The following NR3C2 variants were observed in gnomAD, a reference collection of about 807,000 sequenced individuals.
NR3C2 encodes mineralocorticoid receptor.
In NR3C2, 15 loss-of-function variants were observed where a neutral mutation model predicts 86.4. The ratio of observed to expected loss-of-function variants is 0.17; its 90% CI spans 0.12 to 0.27. The LOEUF is 0.27. NR3C2 is among the 10% of genes least tolerant of loss of function. The probability of loss-of-function intolerance (pLI) is 1.00; values close to 1 mark genes in which losing one functional copy is unlikely to be tolerated. For synonymous variants in NR3C2, 458 were observed against 450.5 expected (o/e 1.02, Z -0.21); for missense variants, 960 against 1,195.6 (o/e 0.80, Z 2.91).
intron 3 of NR3C2, among the ~76,000 whole-genome samples, chr4:148,200,730 AAT>A (rs1416968845): frequency 6.6e-6 from 1 of 152,244 alleles, no homozygotes; most frequent in African/African-American, 2.4e-5. Flanking sequence ...AAGCACTTAA[AAT>A]AGTCACTGCT....
intron 3 of NR3C2, among the ~76,000 whole-genome samples, chr4:148,230,755 G>A (rs1047146408): frequency 2.0e-5 from 3 of 152,184 alleles, no homozygotes; most frequent in Non-Finnish European, 4.4e-5. Flanking sequence ...GCAGTGGGAT[G>A]AAATAAGAGT....
chr4:148,315,765 G>C (rs909729835), intron 2 of NR3C2, among the ~76,000 whole-genome samples: 5 of 152,074 alleles, frequency 3.3e-5, no homozygotes, highest in Non-Finnish European at 7.4e-5. Flanking sequence ...GGCCTTATAT[G>C]AATCAATCAC....
chr4:148,150,912 C>G (rs929190098), intron 6 of NR3C2, among the ~76,000 whole-genome samples: 1 of 152,026 alleles, frequency 6.6e-6, no homozygotes, highest in Non-Finnish European at 1.5e-5. Flanking sequence ...GAGCCAGGCA[C>G]AAAAGGACAA....
intron 3 of NR3C2, among the ~76,000 whole-genome samples, chr4:148,243,922 T>C (rs1423962036): frequency 6.6e-6 from 1 of 152,200 alleles, no homozygotes; most frequent in Non-Finnish European, 1.5e-5. Context: ...CTTCCTGTGG[T>C]TAGGTCATTT....
chr4:148,122,453 G>T (rs182487266), intron 6 of NR3C2, among the ~76,000 whole-genome samples: 1 of 152,230 alleles, frequency 6.6e-6, no homozygotes, highest in East Asian at 1.9e-4. Flanking sequence ...AAACAGAAAA[G>T]GCTGGATTAA....
intron 5 of NR3C2, among the ~76,000 whole-genome samples, 195 bp downstream of exon 5, chr4:148,154,356 C>T (rs1267270313): frequency 6.6e-6 from 1 of 152,188 alleles, no homozygotes; most frequent in African/African-American, 2.4e-5. Context: ...AATCCTTAAC[C>T]CTGCATTCTC....
chr4:148,340,797 T>C (rs1054067472), intron 2 of NR3C2, among the ~76,000 whole-genome samples: 1 of 152,114 alleles, frequency 6.6e-6, no homozygotes, highest in Non-Finnish European at 1.5e-5. Context: ...AATCCAATTG[T>C]TTCAAATGGA....
rs1392624437 is a variant in NR3C2 at position 148,228,559 on chromosome 4, G to C, written c.1897+31419C>G. Among the ~76,000 whole-genome samples, 7 of 152,050 alleles carry C rather than the reference G, an allele frequency of 4.6e-5. No homozygotes were observed. The East Asian group carries it at 1.3e-3, about 29-fold the overall frequency. On this transcript the variant is annotated intron_variant, in intron 3 of 8. Transcript: ENST00000358102. ...ATAAATATCTCCATTACATATTATG[G>C]AAACAGGTCCTCTGTCAGATACATG...
chr4:148,186,969 T>G (rs1735925622), intron 4 of NR3C2, among the ~76,000 whole-genome samples: 2 of 136,856 alleles, frequency 1.5e-5, no homozygotes, highest in Admixed American at 1.5e-4. Context: ...CTGCATAGTA[T>G]TCCATCATAC....
chr4:148,227,821 A>C (rs1738252119), intron 3 of NR3C2, among the ~76,000 whole-genome samples: 1 of 152,132 alleles, frequency 6.6e-6, no homozygotes. Context: ...TCCTTTTGAA[A>C]TACCTCCATC....
intron 2 of NR3C2, among the ~76,000 whole-genome samples, chr4:148,405,508 T>G (rs1222515662): frequency 6.6e-6 from 1 of 152,116 alleles, no homozygotes; most frequent in South Asian, 2.1e-4. Context: ...CTTTTGAAAG[T>G]TACCAAGTTG....
intron 8 of NR3C2, among the ~76,000 whole-genome samples, chr4:148,104,408 G>A (rs1731700075): frequency 7.1e-6 from 1 of 141,644 alleles, no homozygotes; most frequent in Non-Finnish European, 1.5e-5. Flanking sequence ...TGGAAGAGAA[G>A]GCTTTGCTAC....
chr4:148,290,913 C>T (rs1442649231), intron 2 of NR3C2, among the ~76,000 whole-genome samples: 1 of 152,084 alleles, frequency 6.6e-6, no homozygotes, highest in African/African-American at 2.4e-5. Context: ...AAAATATTTT[C>T]CAGTTTTAGA....
At chr4:148,319,000 A>G (rs1238224189) in intron 2 of NR3C2, among the ~76,000 whole-genome samples, 1 of 150,532 alleles carries the variant, frequency 6.6e-6, no homozygotes, top group South Asian at 2.1e-4. Context: ...TAGGGTTTTT[A>G]TGGTTTTAGG....
intron 2 of NR3C2, among the ~76,000 whole-genome samples, chr4:148,303,778 T>C (rs577685616): frequency 1.3e-5 from 2 of 152,330 alleles, no homozygotes; most frequent in South Asian, 2.1e-4. Context: ...TTCCATTTCA[T>C]GGATAAAGGT....
At chr4:148,213,955 A>C (rs1372041119) in intron 3 of NR3C2, among the ~76,000 whole-genome samples, 2 of 152,230 alleles carry the variant, frequency 1.3e-5, no homozygotes, top group Non-Finnish European at 2.9e-5. Flanking sequence ...ATTATTGAAA[A>C]GAAAGTTTCA....
At chr4:148,348,496 A>T (rs1745112058) in intron 2 of NR3C2, among the ~76,000 whole-genome samples, 1 of 152,190 alleles carries the variant, frequency 6.6e-6, no homozygotes, top group South Asian at 2.1e-4. Flanking sequence ...AAATTTATTC[A>T]TGTACCTGCC....
At chr4:148,430,967 G>A (rs17582206) in intron 2 of NR3C2, among the ~76,000 whole-genome samples, 40,709 of 151,966 alleles carry the variant, frequency 0.27, 6,401 homozygotes, top group Middle Eastern at 0.53. Flanking sequence ...TAACCTACCA[G>A]AATATGCCCT....
rs149541750 is a variant in NR3C2 at position 148,114,168 on chromosome 4, T to C, written c.2735A>G (p.Asn912Ser). 38 of 1,613,902 alleles carry C rather than the reference T, an allele frequency of 2.4e-5. No homozygotes were observed. In the African/African-American group the frequency reaches 4.5e-4, roughly 19 times the overall value. The change falls in exon 8 of 9, where the codon AAC becomes AGC. Residue 912 changes from asparagine (N) to serine (S), a missense_variant. By Grantham distance (46) the Asn-to-Ser change is conservative (BLOSUM62 1). Transcript: ENST00000358102. ...ELRKMVTKCP[N>S]NSGQSWQRFY... Reference sequence around the variant, plus strand: ...CCTCTGCCAGCTCTGCCCAGAATTGTTGGGACACTTAGTTACCATCTTCCT... The same window carrying C: ...CCTCTGCCAGCTCTGCCCAGAATTGCTGGGACACTTAGTTACCATCTTCCT...
Sources: gnomAD v4.1 joint callset for allele counts (sites outside exome capture counted in the v4.1 genomes callset) on GRCh38, gnomAD v4.1.1 for gene constraint, MANE v1.5 for transcripts, NCBI Gene and HGNC (gene_info 2026-07-23, HGNC 2026-07-21) for gene names.